The following ZNF585A variants were observed in gnomAD, a reference collection of about 807,000 sequenced individuals.
ZNF585A encodes zinc finger protein 585A.
ZNF585A carries 9 observed loss-of-function variants against 14.9 expected under a neutral mutation model. The ratio of observed to expected loss-of-function variants is 0.60; its 90% CI spans 0.36 to 1.05. The LOEUF is 1.05. ZNF585A is among the 50% of genes least tolerant of loss of function. The pLI is 0.01. For synonymous variants in ZNF585A, 276 were observed against 319.9 expected, an observed-to-expected ratio of 0.86 and a Z score of 1.46; for missense variants, 726 against 926.4, an observed-to-expected ratio of 0.78 and a Z score of 2.81.
At chr19:37,166,411 C>G (rs1972091665) in intron 2 of ZNF585A, among the ~76,000 whole-genome samples, 1 of 151,814 alleles carries the variant, frequency 6.6e-6, no homozygotes, top group Non-Finnish European at 1.5e-5. Flanking sequence ...CCTCTGCCTC[C>G]TGGGTTCAAG....
At chr19:37,172,556 C>T (rs1972198815) in intron 1 of ZNF585A, 71 bp downstream of exon 1, 1 of 152,494 alleles carries the variant, frequency 6.6e-6, no homozygotes, top group South Asian at 2.1e-4. Context: ...CAATCACTAA[C>T]TCCACAGGCA....
At chr19:37,165,104 G>A (rs1972066095) in intron 2 of ZNF585A, among the ~76,000 whole-genome samples, 2 of 152,152 alleles carry the variant, frequency 1.3e-5, no homozygotes, top group South Asian at 4.1e-4. Context: ...GCTCATGCCT[G>A]TAATCCCAAC....
At chr19:37,154,938 G>A (rs530313806) in intron 4 of ZNF585A, among the ~76,000 whole-genome samples, 1 of 151,978 alleles carries the variant, frequency 6.6e-6, no homozygotes, top group Non-Finnish European at 1.5e-5. Context: ...TAGGACTATG[G>A]GGAATGTAGG....
chr19:37,156,024 C>T (rs2145402622), intron 3 of ZNF585A, 67 bp from the exon 4 acceptor site: 1 of 1,604,730 alleles, frequency 6.2e-7, no homozygotes, highest in Non-Finnish European at 8.5e-7. Context: ...CCAATAATCT[C>T]TTATTCTTTG....
intron 2 of ZNF585A, chr19:37,165,709 TAAAAC>T: frequency 4.2e-6 from 4 of 961,988 alleles, no homozygotes; most frequent in Non-Finnish European, 4.9e-6. Context: ...GTAAACAAAA[TAAAAC>T]AAAAACCAAA....
In ZNF585A at chr19:37,156,444, G is replaced by A. The variant is rs547983211; in HGVS notation, c.73-89C>T. The stretch of plus-strand genomic sequence containing the variant: ...AGGAATATGGAATACAGGTCTTGTT[G>A]TTTTAAATTTACATTCTCTTTTTAA... On this transcript the variant is annotated intron_variant, in intron 2 of 4. Coordinates refer to ENST00000292841, the MANE Select transcript of ZNF585A (RefSeq NM_001288800.2). 4.6e-5 allele frequency: 67 copies of A among 1,451,278 alleles called. No individual in the cohort carries two copies. In the East Asian group the frequency reaches 1.5e-3, roughly 33 times the overall value. The allele number at this position is 1,451,278 out of a possible 1,614,324, so 89.9% of individuals were successfully genotyped here. A position where few individuals can be genotyped will look rare whatever the true frequency, so the allele number is the denominator to read the frequency against.
At position 37,146,791 on chromosome 19, in the gene ZNF585A, G is replaced by C. The variant is rs1971749049; in HGVS notation, c.*4798C>G. 1 of 152,486 alleles carries C rather than the reference G, an allele frequency of 6.6e-6. No individual in the cohort carries two copies. The highest frequency in any genetic ancestry group is 1.5e-5 in the Non-Finnish European group (1 of 68,388). The allele number at this position is 152,486 out of a possible 1,614,324, so 9.4% of individuals were successfully genotyped here. A position where few individuals can be genotyped will look rare whatever the true frequency, so the allele number is the denominator to read the frequency against. ...GCCACTGTGACCAGGAGGAGGCTAA[G>C]TTAGATCTTGTAAACAGTGTGGAAT... On this transcript the variant is annotated 3_prime_UTR_variant, in exon 5 of 5. Transcript: ENST00000292841.
chr19:37,156,227 A>T lies in ZNF585A; in HGVS notation c.199+2T>A. 6.2e-7 allele frequency: 1 copy of T among 1,613,992 alleles called. No individual in the cohort carries two copies. The highest frequency in any genetic ancestry group is 1.1e-5 in the South Asian group (1 of 91,054). ...TTCAGATACCAAGGTGACTGTGCTT[A>T]CCTACTGAGAGCAGGTGGCTGTAGG... On this transcript the variant is annotated splice_donor_variant, in intron 3 of 4. Coordinates refer to ENST00000292841, the MANE Select transcript of ZNF585A (RefSeq NM_001288800.2). LOFTEE classifies it high-confidence loss of function.
intron 2 of ZNF585A, among the ~76,000 whole-genome samples, chr19:37,168,531 A>T (rs1042866510): frequency 2.6e-5 from 4 of 152,242 alleles, no homozygotes; most frequent in Non-Finnish European, 5.9e-5. Context: ...ACTCTGCATA[A>T]GGAAAGTGAC....
Position 37,151,915 on chromosome 19 carries a change from A to C in ZNF585A, c.1984T>G (p.Tyr662Asp), listed in dbSNP as rs1358884556. ...GTCTTCCCACATTCAGAACAAATGT[A>C]GGGCTTTTCTCCGGTATGAGTTTTC... ...HQKTHTGEKP[Y>D]ICSECGKTFR... Residue 662 changes from tyrosine to aspartate, a missense_variant, in exon 5 of 5, where the codon TAC becomes GAC. This residue lies in a region of ZNF585A where 243 missense variants were observed against 383.6 expected (regional missense o/e 0.63). Transcript: ENST00000292841. 6.2e-7 allele frequency: 1 copy of C among 1,613,078 alleles called. No individual in the cohort carries two copies. Among genetic ancestry groups the C allele is most frequent in the African/African-American group, 1.3e-5 (1 of 74,684 alleles).
At position 37,160,346 on chromosome 19, in the gene ZNF585A, A is replaced by T. The variant is rs568840974; in HGVS notation, c.73-3991T>A. On this transcript the variant is annotated intron_variant, in intron 2 of 4. Coordinates refer to ENST00000292841, the MANE Select transcript of ZNF585A (RefSeq NM_001288800.2). ...AACAGAGCCAGAACCTGTCTCAAAA[A>T]TAAATAAATAAATAAATAAATAAAT... Among the ~76,000 whole-genome samples, 12 of 68,376 alleles carry T rather than the reference A, an allele frequency of 1.8e-4. No homozygotes were observed. In the South Asian group the frequency reaches 3.6e-3, roughly 21 times the overall value. 44.9% of individuals were successfully genotyped at this position (68,376 alleles called of 152,430 possible).
intron 2 of ZNF585A, among the ~76,000 whole-genome samples, chr19:37,163,176 TACAA>T (rs1972036231): frequency 6.6e-6 from 1 of 151,680 alleles, no homozygotes; most frequent in Non-Finnish European, 1.5e-5. Flanking sequence ...AATGATCTTA[TACAA>T]ACAGTTTGTC....
At chr19:37,156,042 T>C (rs1189717544) in intron 3 of ZNF585A, 85 bp from the exon 4 acceptor site, 2 of 1,592,298 alleles carry the variant, frequency 1.3e-6, no homozygotes. Context: ...TTGATGAGGA[T>C]TTTTTCTTCA....
intron 2 of ZNF585A, among the ~76,000 whole-genome samples, chr19:37,164,823 C>T (rs1474480989): frequency 6.6e-6 from 1 of 152,092 alleles, no homozygotes; most frequent in Non-Finnish European, 1.5e-5. Flanking sequence ...AGGTGCCCCA[C>T]CACCACACTC....
Position 37,153,378 on chromosome 19 carries a change from A to G in ZNF585A, c.521T>C (p.Ile174Thr). The change falls in exon 5 of 5, where the codon ATT becomes ACT. Residue 174 changes from isoleucine (I) to threonine (T), a missense_variant. By Grantham distance (89) the Ile-to-Thr change is moderately conservative. Transcript: ENST00000292841. ...GKAFVQKPEFIIHQKTHMREK... is the reference protein window; with the variant it reads ...GKAFVQKPEFTIHQKTHMREK... Reference sequence around the variant, plus strand: ...TCTCATATGGGTTTTCTGGTGTATAATAAATTCTGGCTTCTGTACAAAAGC... The same window carrying G: ...TCTCATATGGGTTTTCTGGTGTATAGTAAATTCTGGCTTCTGTACAAAAGC... 2 of 1,613,992 alleles carry G rather than the reference A, an allele frequency of 1.2e-6. No individual in the cohort carries two copies. Among genetic ancestry groups the G allele is most frequent in the Non-Finnish European group, 1.7e-6 (2 of 1,179,994 alleles).
chr19:37,159,241 T>G (rs1247367460), intron 2 of ZNF585A, among the ~76,000 whole-genome samples: 1 of 94,316 alleles, frequency 1.1e-5, no homozygotes, highest in Non-Finnish European at 1.9e-5. Context: ...AGAGTGAGAC[T>G]CCATCTCAAA....
At position 37,158,773 on chromosome 19, in the gene ZNF585A, A is replaced by G. The variant is rs143253763; in HGVS notation, c.73-2418T>C. Among the ~76,000 whole-genome samples, 3 of 152,366 alleles carry G rather than the reference A, an allele frequency of 2.0e-5. No homozygotes were observed. In the East Asian group the frequency reaches 5.8e-4, roughly 29 times the overall value. On this transcript the variant is annotated intron_variant, in intron 2 of 4. Coordinates refer to ENST00000292841, the MANE Select transcript of ZNF585A (RefSeq NM_001288800.2). Reference sequence around the variant, plus strand: ...AAATGGTGGGTATTAGATGATATCAAGGAATTACTGTTATTTTGTTGTGTG... The same window carrying G: ...AAATGGTGGGTATTAGATGATATCAGGGAATTACTGTTATTTTGTTGTGTG...
In ZNF585A at chr19:37,151,518, T is replaced by A; in HGVS notation, c.*71A>T. ...TTCTATTTACAATAATATACATATT[T>A]TTCTGCTGCATGCGTGCAACAGTGT... On this transcript the variant is annotated 3_prime_UTR_variant, in exon 5 of 5. Coordinates refer to ENST00000292841, the MANE Select transcript of ZNF585A (RefSeq NM_001288800.2). The A allele has an allele frequency of 7.2e-7, 1 of 1,392,800 alleles. No individual in the cohort carries two copies. The highest frequency in any genetic ancestry group is 9.8e-7 in the Non-Finnish European group (1 of 1,019,932). The allele number at this position is 1,392,800 out of a possible 1,614,324, so 86.3% of individuals were successfully genotyped here.
intron 2 of ZNF585A, among the ~76,000 whole-genome samples, chr19:37,162,369 G>A (rs573319687): frequency 3.5e-4 from 54 of 152,228 alleles, no homozygotes; most frequent in Non-Finnish European, 7.2e-4. Flanking sequence ...CTTATACACT[G>A]TTGGTGGGAG....
Sources: allele counts gnomAD v4.1 joint callset (sites outside exome capture counted in the v4.1 genomes callset), GRCh38; gene constraint gnomAD v4.1.1; regional missense constraint gnomAD v4.1.1; transcripts MANE v1.5; gene names NCBI Gene and HGNC (gene_info 2026-07-23, HGNC 2026-07-21).